PTPRD: variants seen among roughly 807,000 people sequenced by gnomAD.
PTPRD encodes the protein receptor-type tyrosine-protein phosphatase delta.
PTPRD carries 34 observed loss-of-function variants against 214.5 expected under a neutral mutation model. That is an observed-to-expected ratio of 0.16 (90% CI 0.12 to 0.21). PTPRD has a LOEUF of 0.21. Ranked by LOEUF, PTPRD falls within the 10% of genes least tolerant of loss-of-function variation. The pLI, the probability that PTPRD is intolerant of heterozygous loss-of-function variation, is 1.00. For missense variants in PTPRD, 2,545 were observed against 2,398.7 expected (o/e 1.06, Z -1.27); for synonymous variants, 1,128 against 845.7 (o/e 1.33, Z -5.79).
chr9:8,562,830 C>G (rs552425730), intron 14 of PTPRD, among the ~76,000 whole-genome samples: 1 of 150,910 alleles, frequency 6.6e-6, no homozygotes, highest in South Asian at 2.1e-4. Context: ...TTTCCTAATC[C>G]AATCTGCAAA....
chr9:9,665,370 A>C (rs564841332), intron 7 of PTPRD, among the ~76,000 whole-genome samples: 39 of 151,964 alleles, frequency 2.6e-4, no homozygotes, highest in African/African-American at 9.4e-4. Flanking sequence ...ATTGCATCAG[A>C]GTATTTTTAA....
chr9:8,731,690 T>C (rs1449703464), intron 12 of PTPRD, among the ~76,000 whole-genome samples: 1 of 152,336 alleles, frequency 6.6e-6, no homozygotes, highest in Non-Finnish European at 1.5e-5. Flanking sequence ...ACCACAGGTA[T>C]CTTCTGGTAG....
intron 11 of PTPRD, among the ~76,000 whole-genome samples, chr9:9,002,338 G>C (rs990419526): frequency 1.3e-5 from 2 of 151,804 alleles, no homozygotes; most frequent in African/African-American, 4.8e-5. Flanking sequence ...ATAATGAAAA[G>C]AATTAAAAGA....
intron 3 of PTPRD, among the ~76,000 whole-genome samples, chr9:10,254,107 C>G (rs1209085667): frequency 6.6e-6 from 1 of 152,166 alleles, no homozygotes; most frequent in Admixed American, 6.5e-5. Flanking sequence ...ATACTGTCCG[C>G]AGAGAACAAG....
intron 3 of PTPRD, among the ~76,000 whole-genome samples, chr9:10,262,918 A>C (rs1421657597): frequency 6.6e-6 from 1 of 152,118 alleles, no homozygotes; most frequent in Non-Finnish European, 1.5e-5. Flanking sequence ...AGGGGAGATA[A>C]TTGAATAAAG....
At chr9:10,404,386 G>C (rs1468604435) in intron 2 of PTPRD, among the ~76,000 whole-genome samples, 1 of 151,686 alleles carries the variant, frequency 6.6e-6, no homozygotes, top group Non-Finnish European at 1.5e-5. Flanking sequence ...TTCCAGAACA[G>C]TTAAGAACCC....
At chr9:8,677,900 C>T (rs538933902) in intron 12 of PTPRD, among the ~76,000 whole-genome samples, 2 of 152,172 alleles carry the variant, frequency 1.3e-5, no homozygotes, top group East Asian at 3.9e-4. Flanking sequence ...AAAGCAGCAG[C>T]AGTTATTTTG....
At chr9:9,247,987 G>C (rs1159238921) in intron 9 of PTPRD, among the ~76,000 whole-genome samples, 4 of 152,016 alleles carry the variant, frequency 2.6e-5, no homozygotes, top group Non-Finnish European at 4.4e-5. Flanking sequence ...GGTGGAATCT[G>C]TGTTCATGAT....
At chr9:9,716,045 T>A (rs1404324468) in intron 7 of PTPRD, among the ~76,000 whole-genome samples, 1 of 139,044 alleles carries the variant, frequency 7.2e-6, no homozygotes, top group African/African-American at 2.7e-5. Context: ...GATGTCCCCC[T>A]TCCTGTGTCC....
rs73641315 is a variant in PTPRD, at chr9:9,568,651, C to T, written c.-237+6081G>A. Among the ~76,000 whole-genome samples the T allele has an allele frequency of 8.1e-3, 1,228 of 151,962 alleles. 12 individuals carry two copies. The highest frequency in any genetic ancestry group is 0.028 in the African/African-American group (1,164 of 41,504). ...TTTTCCTACATGCTTTCCTCTATGA[C>T]GTTTACACATTTTTTTAAACGATAA... On this transcript the variant is annotated intron_variant, in intron 8 of 45. Coordinates refer to ENST00000381196, the MANE Select transcript of PTPRD (RefSeq NM_002839.4).
intron 5 of PTPRD, among the ~76,000 whole-genome samples, chr9:9,885,421 A>T (rs1304574591): frequency 6.6e-6 from 1 of 152,084 alleles, no homozygotes; most frequent in Non-Finnish European, 1.5e-5. Context: ...TGCATCTCAG[A>T]TCCCCTTCAT....
At chr9:10,076,432 A>G (rs1025766981) in intron 3 of PTPRD, among the ~76,000 whole-genome samples, 5 of 152,116 alleles carry the variant, frequency 3.3e-5, no homozygotes, top group African/African-American at 4.8e-5. Context: ...ACTAGGCATC[A>G]TTGCTTATTA....
At chr9:9,777,707 AC>A (rs2098809564) in intron 5 of PTPRD, among the ~76,000 whole-genome samples, 1 of 152,196 alleles carries the variant, frequency 6.6e-6, no homozygotes, top group South Asian at 2.1e-4. Context: ...AACAACAAAA[AC>A]AAAAAAGTTA....
chr9:8,436,794 G>A (rs879616494), intron 34 of PTPRD, 105 bp from the exon 35 acceptor site: 2 of 871,950 alleles, frequency 2.3e-6, no homozygotes, highest in Non-Finnish European at 3.6e-6. Context: ...CTGAAAATAT[G>A]TGAGTAGTAA....
At chr9:8,769,435 A>G (rs555585046) in intron 11 of PTPRD, among the ~76,000 whole-genome samples, 3 of 152,356 alleles carry the variant, frequency 2.0e-5, no homozygotes, top group South Asian at 2.1e-4. Context: ...AGCATCATCA[A>G]TCAATATTTA....
chr9:9,922,748 C>T (rs189049131), intron 5 of PTPRD, among the ~76,000 whole-genome samples: 22 of 151,628 alleles, frequency 1.5e-4, no homozygotes, highest in Admixed American at 1.4e-3. Context: ...AAAACAAGAA[C>T]ATTCTATTAA....
chr9:10,143,578 A>G (rs929909387), intron 3 of PTPRD, among the ~76,000 whole-genome samples: 1 of 151,750 alleles, frequency 6.6e-6, no homozygotes, highest in African/African-American at 2.4e-5. Context: ...TAAAGAAAAA[A>G]AATTGTATCA....
At chr9:9,594,886 G>GA (rs1356101611) in intron 7 of PTPRD, among the ~76,000 whole-genome samples, 2 of 151,872 alleles carry the variant, frequency 1.3e-5, no homozygotes, top group African/African-American at 2.4e-5. Flanking sequence ...AAATCAGCAA[G>GA]AAAAAACAAA....
chr9:9,019,864 T>G (rs920041763), intron 10 of PTPRD, among the ~76,000 whole-genome samples: 5 of 152,232 alleles, frequency 3.3e-5, no homozygotes, highest in Non-Finnish European at 5.9e-5. Flanking sequence ...TCTCAGTGAT[T>G]TTCATTGAAC....
Sources: allele counts gnomAD v4.1 joint callset (sites outside exome capture counted in the v4.1 genomes callset), GRCh38; gene constraint gnomAD v4.1.1; transcripts MANE v1.5; gene names NCBI Gene and HGNC (gene_info 2026-07-23, HGNC 2026-07-21).